Variants in PODN observed in about 807,000 individuals in gnomAD.
The protein encoded by PODN is podocan proteoglycan.
A neutral mutation model predicts 52.7 loss-of-function variants in PODN; 40 were observed. That is an observed-to-expected ratio of 0.76 (90% CI 0.59 to 0.99). PODN has a LOEUF of 0.99. PODN is among the 50% of genes least tolerant of loss of function. PODN has a pLI of 0.00. For missense variants in PODN, 720 were observed against 815.1 expected (o/e 0.88, Z 1.42); for synonymous variants, 396 against 377.9 (o/e 1.05, Z -0.56).
chr1:53,081,680 G>C (rs770238220), intron 9 of PODN, among the ~76,000 whole-genome samples: 9 of 152,226 alleles, frequency 5.9e-5, no homozygotes, highest in Non-Finnish European at 1.2e-4. Flanking sequence ...GCCAGGGATG[G>C]CATAGAGACA....
chr1:53,071,635 G>A lies in PODN; in HGVS notation c.406+7G>A, dbSNP rs1644119929. On this transcript the variant is annotated splice_region_variant and intron_variant, in intron 3 of 10. Coordinates refer to ENST00000312553, the MANE Select transcript of PODN (RefSeq NM_153703.5). The stretch of plus-strand genomic sequence containing the variant: ...AACCGCCTGACTTCCCGAGGTGAGG[G>A]GCCACCCAGAGCCCAGGGTCAGGGA... The A allele has an allele frequency of 1.2e-6, 2 of 1,611,196 alleles. No homozygotes were observed. The highest frequency in any genetic ancestry group is 1.7e-5 in the Admixed American group (1 of 59,956).
At chr1:53,077,952 T>C in intron 7 of PODN, 152 bp downstream of exon 7, 1 of 625,224 alleles carries the variant, frequency 1.6e-6, no homozygotes. Flanking sequence ...TCTGTTGACA[T>C]TTCTGTCCCT....
rs1644095888 is a variant in PODN, at chr1:53,070,131, G to A, written c.276G>A (p.Gly92=). The change falls in exon 2 of 11, where the codon GGG becomes GGA. Residue 92 remains glycine, a synonymous_variant. Coordinates refer to ENST00000312553, the MANE Select transcript of PODN (RefSeq NM_153703.5). The part of the protein sequence containing the change: ...CGGIDLREFP[G]DLPEHTNHLS... ...GTATTGACCTGCGTGAGTTCCCGGGGGACCTGCCTGAGCACACCAACCACC... is the reference window on the plus strand; with the variant it reads ...GTATTGACCTGCGTGAGTTCCCGGGAGACCTGCCTGAGCACACCAACCACC... 2.5e-6 allele frequency: 4 copies of A among 1,611,088 alleles called. No individual in the cohort carries two copies. The highest frequency in any genetic ancestry group is 1.7e-5 in the Admixed American group (1 of 59,992).
intron 1 of PODN, among the ~76,000 whole-genome samples, chr1:53,062,978 G>A (rs906489711): frequency 3.3e-5 from 5 of 152,254 alleles, no homozygotes; most frequent in African/African-American, 9.6e-5. Flanking sequence ...AGCCGGGACA[G>A]CTGGAGGGAG....
At chr1:53,071,382 G>A in intron 2 of PODN, 153 bp from the exon 3 acceptor site, 1 of 655,324 alleles carries the variant, frequency 1.5e-6, no homozygotes, top group Non-Finnish European at 2.7e-6. Flanking sequence ...GCCCAGAGCT[G>A]GCACCGGGGG....
chr1:53,079,041 G>T lies in PODN; in HGVS notation c.1512+19G>T. On this transcript the variant is annotated intron_variant, in intron 8 of 10. Coordinates refer to ENST00000312553, the MANE Select transcript of PODN (RefSeq NM_153703.5). ...TCTGCAGGTAAGCGGAAGGGAGGGG[G>T]CTGAGCCATGCCCATGGAGGGGGGT... 1 of 1,502,232 alleles carries T rather than the reference G, an allele frequency of 6.7e-7. No individual in the cohort carries two copies. 93.1% of individuals were successfully genotyped at this position (1,502,232 alleles called of 1,614,324 possible). A position where few individuals can be genotyped will look rare whatever the true frequency, so the allele number is the denominator to read the frequency against.
At chr1:53,071,862 T>C (rs1017774014) in intron 3 of PODN, among the ~76,000 whole-genome samples, 1 of 151,952 alleles carries the variant, frequency 6.6e-6, no homozygotes, top group African/African-American at 2.4e-5. Context: ...TTTTTTTTTT[T>C]GACATAGTCA....
intron 10 of PODN, among the ~76,000 whole-genome samples, chr1:53,083,056 C>G (rs776581870): frequency 2.6e-5 from 4 of 152,170 alleles, no homozygotes; most frequent in Non-Finnish European, 5.9e-5. Context: ...AGGGAGCTGA[C>G]CACTGCGGAG....
In PODN at chr1:53,080,809, A is replaced by G. The variant is rs1178786815; in HGVS notation, c.1594A>G (p.Asn532Asp). The change falls in exon 9 of 11, where the codon AAC (asparagine) becomes GAC (aspartate). Residue 532 changes from asparagine to aspartate, a missense_variant. Coordinates refer to ENST00000312553, the MANE Select transcript of PODN (RefSeq NM_153703.5). ...ESLEYLYLQN[N>D]KISAVPANAF... ...ACTTGAGTACCTGTACCTGCAGAAC[A>G]ACAAGATTAGTGCGGTGCCCGCCAA... 1 of 1,614,156 alleles carries G rather than the reference A, an allele frequency of 6.2e-7. No individual in the cohort carries two copies. The highest frequency in any genetic ancestry group is 2.2e-5 in the East Asian group (1 of 44,886).
chr1:53,068,647 C>T (rs1342277221), intron 1 of PODN, among the ~76,000 whole-genome samples: 1 of 152,186 alleles, frequency 6.6e-6, no homozygotes, highest in Admixed American at 6.5e-5. Flanking sequence ...GAAACTGAGG[C>T]TCAGCAAGGT....
In PODN at chr1:53,068,852, C is replaced by T. The variant is rs17367892; in HGVS notation, c.-55-949C>T. On this transcript the variant is annotated intron_variant, in intron 1 of 10. Coordinates refer to ENST00000312553, the MANE Select transcript of PODN (RefSeq NM_153703.5). Reference sequence around the variant, plus strand: ...GCATCTTCCTCTATGGGCCTGAGATCATCCCCTGTACCCCATCCTTGCTGG... The same window carrying T: ...GCATCTTCCTCTATGGGCCTGAGATTATCCCCTGTACCCCATCCTTGCTGG... 6.3e-3 allele frequency among the ~76,000 whole-genome samples: 964 copies of T among 152,300 alleles called. 4 individuals carry two copies. The highest frequency in any genetic ancestry group is 0.01 in the Middle Eastern group (3 of 294).
At chr1:53,078,011 C>A (rs1644222059) in intron 7 of PODN, among the ~76,000 whole-genome samples, 1 of 152,144 alleles carries the variant, frequency 6.6e-6, no homozygotes, top group Admixed American at 6.5e-5. Context: ...TCCAGTGAGG[C>A]AAAGAAGCGT....
chr1:53,064,524 C>T, intron 1 of PODN, among the ~76,000 whole-genome samples: 1 of 152,300 alleles, frequency 6.6e-6, no homozygotes. Context: ...TTTGTACTGA[C>T]TTTGAGTGGA....
intron 8 of PODN, among the ~76,000 whole-genome samples, chr1:53,080,398 A>G (rs12723536): frequency 0.17 from 26,209 of 152,168 alleles, 2,392 homozygotes; most frequent in Middle Eastern, 0.22. Flanking sequence ...GTGTCAGGAG[A>G]TAGGACTGTG....
intron 1 of PODN, among the ~76,000 whole-genome samples, chr1:53,068,868 T>C (rs941503931): frequency 1.3e-5 from 2 of 152,122 alleles, no homozygotes; most frequent in Admixed American, 1.3e-4. Flanking sequence ...CTGTACCCCA[T>C]CCTTGCTGGA....
At chr1:53,070,280 C>A in intron 2 of PODN, 113 bp downstream of exon 2, 2 of 1,487,302 alleles carry the variant, frequency 1.3e-6, no homozygotes, top group Non-Finnish European at 1.8e-6. Flanking sequence ...CCAATATGTG[C>A]GGCTCTCCAC....
At position 53,077,271 on chromosome 1, in the gene PODN, C is replaced by A; in HGVS notation, c.663C>A (p.Val221=). Residue 221 remains valine, a synonymous_variant, in exon 6 of 11, where the codon GTC becomes GTA. Coordinates refer to ENST00000312553, the MANE Select transcript of PODN (RefSeq NM_153703.5). ...NMFNGSSNVE[V]LILSSNFLRH... ...TCAACGGCTCCAGCAACGTCGAGGT[C>A]CTCATCCTGTCCAGCAACTTCCTGC... 1 of 1,613,448 alleles carries A rather than the reference C, an allele frequency of 6.2e-7. No individual in the cohort carries two copies. Among genetic ancestry groups the A allele is most frequent in the Non-Finnish European group, 8.5e-7 (1 of 1,180,022 alleles).
At chr1:53,081,906 G>C (rs1644300840) in intron 9 of PODN, 75 bp from the exon 10 acceptor site, 3 of 1,522,780 alleles carry the variant, frequency 2.0e-6, no homozygotes, top group Non-Finnish European at 2.6e-6. Flanking sequence ...TTACCTTCTG[G>C]AGAGGCCAGT....
chr1:53,082,702 C>A (rs942809015), intron 10 of PODN, among the ~76,000 whole-genome samples: 2 of 152,190 alleles, frequency 1.3e-5, no homozygotes, highest in African/African-American at 4.8e-5. Context: ...CACGGATGCA[C>A]CAACACACAT....
Sources: gnomAD v4.1 joint callset for allele counts (sites outside exome capture counted in the v4.1 genomes callset) on GRCh38, gnomAD v4.1.1 for gene constraint, MANE v1.5 for transcripts, NCBI Gene and HGNC (gene_info 2026-07-23, HGNC 2026-07-21) for gene names.